The following RNF44 variants were observed in gnomAD, a reference collection of about 807,000 sequenced individuals.
The protein encoded by RNF44 is ring finger protein 44.
Under a neutral mutation model 53.6 loss-of-function variants are expected in RNF44, and 25 were observed. That is an observed-to-expected ratio of 0.47 (90% confidence interval 0.34 to 0.65). The LOEUF is 0.65. Ranked by LOEUF, RNF44 falls within the 30% of genes least tolerant of loss-of-function variation. The pLI is 0.01. For missense variants in RNF44, 581 were observed against 595.5 expected (o/e 0.98, Z 0.25); for synonymous variants, 282 against 252.2 (o/e 1.12, Z -1.12).
intron 1 of RNF44, chr5:176,536,294 C>G (rs1245349810): frequency 6.6e-6 from 1 of 152,302 alleles, no homozygotes; most frequent in Non-Finnish European, 1.5e-5. Context: ...GTTGGCACAG[C>G]TATAAAATGG....
chr5:176,528,378 G>C lies in RNF44; in HGVS notation c.*650C>G, dbSNP rs1365611149. On this transcript the variant is annotated 3_prime_UTR_variant, in exon 11 of 11. Transcript: ENST00000274811. ...GTATGGCCCAAGCCCCTCAGGATAC[G>C]TGTGCCCCAGCTCGGGATTAGGCTG... 1 of 152,320 alleles carries C rather than the reference G, an allele frequency of 6.6e-6. No homozygotes were observed. Among genetic ancestry groups the C allele is most frequent in the Non-Finnish European group, 1.5e-5 (1 of 68,190 alleles). The allele number at this position is 152,320 out of a possible 1,614,324, so 9.4% of individuals were successfully genotyped here. A position where few individuals can be genotyped will look rare whatever the true frequency, so the allele number is the denominator to read the frequency against.
Position 176,531,434 on chromosome 5 carries a change from T to TGGA in RNF44, c.465+26_465+28dup, listed in dbSNP as rs1756648694. The TGGA allele has an allele frequency of 3.2e-6, 5 of 1,539,146 alleles. No homozygotes were observed. The African/African-American group carries it at 4.1e-5, about 13-fold the overall frequency. On this transcript the variant is annotated intron_variant, in intron 4 of 10. Coordinates refer to ENST00000274811, the MANE Select transcript of RNF44 (RefSeq NM_014901.5). The surrounding 1 kb of genome is among the most constrained non-coding windows in gnomAD (Gnocchi z 4.2). ...GCCTGTGCCTGGGGCTTGCAGCTGGTGGAGGAGGAGCTAGAAACACTCACT... is the reference window on the plus strand; with the variant it reads ...GCCTGTGCCTGGGGCTTGCAGCTGGTGGAGGAGGAGGAGCTAGAAACACTCACT...
At chr5:176,530,782 G>T in intron 5 of RNF44, 39 bp from the exon 6 acceptor site, 1 of 1,493,518 alleles carries the variant, frequency 6.7e-7, no homozygotes. Flanking sequence ...TCAGTGAGAC[G>T]AGGCTGTCCT....
At chr5:176,539,498 A>C (rs984605374), upstream of RNF44, among the ~76,000 whole-genome samples, 2 of 151,954 alleles carry the variant, frequency 1.3e-5, no homozygotes, top group Middle Eastern at 3.4e-3. Flanking sequence ...GACCAGCCTG[A>C]CCAACATGGT....
Position 176,530,700 on chromosome 5 carries a change from T to A in RNF44, c.683A>T (p.Gln228Leu). The A allele has an allele frequency of 6.4e-7, 1 of 1,550,606 alleles. No individual in the cohort carries two copies. The highest frequency in any genetic ancestry group is 8.7e-7 in the Non-Finnish European group (1 of 1,151,176). Residue 228 changes from glutamine (Q) to leucine (L), a missense_variant, in exon 6 of 11, where the codon CAG (glutamine) becomes CTG (leucine). Around this residue, in one of 3 missense-constraint regions of RNF44, gnomAD observed 387 missense variants for 366.0 expected, o/e 1.06. Coordinates refer to ENST00000274811, the MANE Select transcript of RNF44 (RefSeq NM_014901.5). Reference sequence around the variant, plus strand: ...GTAGGTGAAGCTGCCCAGGGAGGGCTGGTCCCCACGCAGGTCCACGTCGTT... The same window carrying A: ...GTAGGTGAAGCTGCCCAGGGAGGGCAGGTCCCCACGCAGGTCCACGTCGTT... Reference protein sequence around the residue: ...LDNDVDLRGDQPSLGSFTYST... With the variant: ...LDNDVDLRGDLPSLGSFTYST...
chr5:176,541,894 C>A (rs547102839), upstream of RNF44, among the ~76,000 whole-genome samples: 2 of 152,298 alleles, frequency 1.3e-5, no homozygotes, highest in South Asian at 4.1e-4. Context: ...AGGGTTCACA[C>A]CTCCCAGACA....
intron 7 of RNF44, 93 bp downstream of exon 7, chr5:176,529,989 C>A: frequency 7.5e-6 from 11 of 1,461,474 alleles, no homozygotes; most frequent in Non-Finnish European, 9.1e-6. Context: ...CTTCAGAGGC[C>A]CTGGGGCCCC....
At chr5:176,535,687 A>C (rs1283243672) in intron 1 of RNF44, among the ~76,000 whole-genome samples, 1 of 152,160 alleles carries the variant, frequency 6.6e-6, no homozygotes, top group Non-Finnish European at 1.5e-5. Flanking sequence ...AGGCTGGGAG[A>C]GCACTCTCTT....
In RNF44 at chr5:176,532,401, C is replaced by T. The variant is rs774487514; in HGVS notation, c.72G>A (p.Ala24=). The change falls in exon 2 of 11, where the codon GCG becomes GCA. Residue 24 remains alanine, a synonymous_variant. Transcript: ENST00000274811. ...GCTGGCCCGGGGTGCTGCCAGGTCC[C>T]GCAGAGAATCGCCGCTGGCCCACGG... is the stretch of plus-strand genomic sequence containing the variant. ...SAPVGQRRFS[A]GPGSTPGQLW... is the part of the protein sequence containing the mutation. The T allele has an allele frequency of 1.2e-5, 19 of 1,609,694 alleles. No individual in the cohort carries two copies. The highest frequency in any genetic ancestry group is 2.7e-5 in the African/African-American group (2 of 74,814).
intron 1 of RNF44, 34 bp from the exon 2 acceptor site, chr5:176,532,550 C>G: frequency 6.9e-7 from 1 of 1,451,354 alleles, no homozygotes. Context: ...ACTGAGGCAC[C>G]TGGCCAACAT....
chr5:176,536,901 TG>T (rs1757245726), intron 1 of RNF44, 38 bp downstream of exon 1: 1 of 134,190 alleles, frequency 7.5e-6, no homozygotes, highest in South Asian at 2.4e-4. Flanking sequence ...GGTCCATGGG[TG>T]GGGGAATAGG....
At chr5:176,542,946 C>A (rs916062682), upstream of RNF44, among the ~76,000 whole-genome samples, 1 of 151,934 alleles carries the variant, frequency 6.6e-6, no homozygotes, top group African/African-American at 2.4e-5. Flanking sequence ...GTGCCGGACG[C>A]CTGGGTCCCA....
upstream of RNF44, among the ~76,000 whole-genome samples, chr5:176,539,532 A>G (rs1039690348): frequency 6.6e-6 from 1 of 152,174 alleles, no homozygotes; most frequent in African/African-American, 2.4e-5. Flanking sequence ...CACAAAAAAT[A>G]CAAAAATTAG....
At chr5:176,542,352 T>C (rs545382814), upstream of RNF44, among the ~76,000 whole-genome samples, 4 of 151,630 alleles carry the variant, frequency 2.6e-5, no homozygotes, top group Non-Finnish European at 2.9e-5. Context: ...TCCTTCTCGG[T>C]GGGTCAACAG....
chr5:176,543,132 G>A, the RNF44 span, among the ~76,000 whole-genome samples: 1 of 151,228 alleles, frequency 6.6e-6, no homozygotes, highest in African/African-American at 2.4e-5. The surrounding 1 kb of genome is among the most constrained non-coding windows in gnomAD (Gnocchi z 4.0). Context: ...CGCCGTGCGG[G>A]CGCCGGCAGA....
chr5:176,531,879 G>A lies in RNF44; in HGVS notation c.297+125C>T. ...GGGCCTCAGTTTACCTACCTGTAAA[G>A]CAGGGCCAATAATGCCTCCCTGGAA... On this transcript the variant is annotated intron_variant, in intron 3 of 10. Transcript: ENST00000274811. This position sits in a 1 kb window ranked among gnomAD's most constrained non-coding sequence, Gnocchi z 4.2. The A allele has an allele frequency of 1.8e-6, 2 of 1,101,156 alleles. No individual in the cohort carries two copies. The highest frequency in any genetic ancestry group is 2.6e-6 in the Non-Finnish European group (2 of 775,908). The allele number at this position is 1,101,156 out of a possible 1,614,324, so 68.2% of individuals were successfully genotyped here.
intron 6 of RNF44, 46 bp downstream of exon 6, chr5:176,530,536 C>T: frequency 7.2e-7 from 1 of 1,386,082 alleles, no homozygotes; most frequent in Non-Finnish European, 9.3e-7. Flanking sequence ...GCGGGTCTGC[C>T]TCCCAGCTGC....
intron 1 of RNF44, among the ~76,000 whole-genome samples, chr5:176,534,828 C>T (rs947283603): frequency 3.3e-5 from 5 of 152,236 alleles, no homozygotes; most frequent in African/African-American, 7.2e-5. Context: ...CAGCTGGAAT[C>T]GTGAGTGCGC....
upstream of RNF44, among the ~76,000 whole-genome samples, chr5:176,541,022 G>A (rs1236103971): frequency 6.6e-6 from 1 of 152,186 alleles, no homozygotes; most frequent in South Asian, 2.1e-4. Flanking sequence ...TGCGAGCCTT[G>A]TTCTCCCCGT....
Sources: gnomAD v4.1 joint callset for allele counts (sites outside exome capture counted in the v4.1 genomes callset) on GRCh38, gnomAD v4.1.1 for gene constraint, gnomAD v4.1.1 regional missense constraint, Gnocchi (gnomAD v3.1) non-coding constraint, MANE v1.5 for transcripts, NCBI Gene and HGNC (gene_info 2026-07-23, HGNC 2026-07-21) for gene names.